Variants in KRABD5 observed in about 807,000 individuals in gnomAD.
KRABD5 encodes the protein KRAB domain-containing protein 5.
the KRABD5 span, among the ~76,000 whole-genome samples, chr16:31,714,120 A>G: frequency 6.6e-6 from 1 of 152,198 alleles, no homozygotes; most frequent in Non-Finnish European, 1.5e-5. Flanking sequence ...TGTGTTCCAT[A>G]TTCTACTGCT....
the KRABD5 span, among the ~76,000 whole-genome samples, chr16:31,732,155 T>G: frequency 6.6e-6 from 1 of 152,204 alleles, no homozygotes; most frequent in Non-Finnish European, 1.5e-5. Flanking sequence ...AAGCCTACCC[T>G]TCGGTTAAGG....
At chr16:31,753,057 G>A in the KRABD5 span, among the ~76,000 whole-genome samples, 3 of 152,086 alleles carry the variant, frequency 2.0e-5, no homozygotes, top group African/African-American at 7.2e-5. Context: ...TCAAGTAAGA[G>A]ACAGCTACCT....
At chr16:31,716,700 C>T in the KRABD5 span, among the ~76,000 whole-genome samples, 1 of 152,002 alleles carries the variant, frequency 6.6e-6, no homozygotes, top group Non-Finnish European at 1.5e-5. Context: ...TTTTTATGTG[C>T]ATGCGGTGTG....
At chr16:31,757,664 A>G in the KRABD5 span, 3 of 152,310 alleles carry the variant, frequency 2.0e-5, no homozygotes, top group African/African-American at 4.8e-5. Flanking sequence ...ACAGTTTTAC[A>G]TGTTATTATA....
chr16:31,760,989 G>C, the KRABD5 span: 3 of 152,154 alleles, frequency 2.0e-5, no homozygotes, highest in Non-Finnish European at 4.4e-5. Flanking sequence ...TCCTACTTCT[G>C]TCGCAGAAGT....
At chr16:31,716,997 G>GTTTTT in the KRABD5 span, among the ~76,000 whole-genome samples, 84 of 81,092 alleles carry the variant, frequency 1.0e-3, no homozygotes, top group Admixed American at 1.7e-3. Flanking sequence ...GTCAGTCTTT[G>GTTTTT]TTTTTTTTTT....
the KRABD5 span, among the ~76,000 whole-genome samples, chr16:31,717,472 A>C: frequency 3.3e-5 from 5 of 152,068 alleles, no homozygotes; most frequent in Non-Finnish European, 5.9e-5. Flanking sequence ...CATGAAGTTT[A>C]TTTTTCCTTT....
chr16:31,754,291 T>A, the KRABD5 span: 2 of 623,136 alleles, frequency 3.2e-6, no homozygotes, highest in Non-Finnish European at 5.7e-6. Flanking sequence ...AAATAACACC[T>A]CGTTCTGCCT....
chr16:31,753,810 A>G, the KRABD5 span: 4 of 1,545,422 alleles, frequency 2.6e-6, no homozygotes, highest in Admixed American at 4.0e-5. Context: ...AAAGAAGCTT[A>G]TAGAAGCATC....
At chr16:31,757,289 A>C in the KRABD5 span, 1 of 152,222 alleles carries the variant, frequency 6.6e-6, no homozygotes, top group African/African-American at 2.4e-5. Flanking sequence ...CAACATGGTG[A>C]TATCTCGTCT....
At chr16:31,750,960 A>G in the KRABD5 span, among the ~76,000 whole-genome samples, 1 of 152,126 alleles carries the variant, frequency 6.6e-6, no homozygotes, top group Non-Finnish European at 1.5e-5. Context: ...GGGTTTCGCC[A>G]TGTTGGCCAA....
At chr16:31,713,790 C>T in the KRABD5 span, among the ~76,000 whole-genome samples, 108 of 152,320 alleles carry the variant, frequency 7.1e-4, 3 homozygotes, top group South Asian at 0.022. Flanking sequence ...TCCCAGTCTC[C>T]TTTTTCCTCT....
chr16:31,716,598 A>G, the KRABD5 span, among the ~76,000 whole-genome samples: 4 of 151,940 alleles, frequency 2.6e-5, no homozygotes, highest in African/African-American at 9.7e-5. Context: ...CAGGCTCATC[A>G]CGAACTCCTG....
the KRABD5 span, chr16:31,756,438 T>C: frequency 1.3e-5 from 2 of 152,162 alleles, no homozygotes; most frequent in African/African-American, 4.8e-5. Context: ...AATGAAGTAG[T>C]AATCTTGAAT....
At chr16:31,759,406 G>T in the KRABD5 span, 1 of 1,536,784 alleles carries the variant, frequency 6.5e-7, no homozygotes, top group South Asian at 1.2e-5. Flanking sequence ...CTCTGCTTGA[G>T]AAAAAGGACC....
At chr16:31,721,616 A>G in the KRABD5 span, among the ~76,000 whole-genome samples, 26 of 152,144 alleles carry the variant, frequency 1.7e-4, no homozygotes, top group Non-Finnish European at 2.6e-4. Context: ...TCTCATATAG[A>G]TTTTTGTGGT....
At chr16:31,719,132 T>A in the KRABD5 span, among the ~76,000 whole-genome samples, 1 of 152,208 alleles carries the variant, frequency 6.6e-6, no homozygotes, top group East Asian at 1.9e-4. Context: ...CTGGGAACTT[T>A]CAGTCTAGAG....
At chr16:31,722,162 C>T in the KRABD5 span, among the ~76,000 whole-genome samples, 71 of 152,324 alleles carry the variant, frequency 4.7e-4, no homozygotes, top group Admixed American at 1.1e-3. Flanking sequence ...GCAACCTCCA[C>T]TTCCTGGTTC....
At chr16:31,755,098 G>A in the KRABD5 span, 1 of 488,378 alleles carries the variant, frequency 2.0e-6, no homozygotes, top group Admixed American at 2.2e-5. Flanking sequence ...CCCTTACTCA[G>A]CATGAGAGAA....
Sources: allele counts gnomAD v4.1 joint callset (sites outside exome capture counted in the v4.1 genomes callset), GRCh38; gene constraint gnomAD v4.1.1; transcripts MANE v1.5; gene names NCBI Gene and HGNC (gene_info 2026-07-23, HGNC 2026-07-21).